ASB2: variants seen among roughly 807,000 people sequenced by gnomAD.
ASB2 encodes the protein ankyrin repeat and SOCS box containing 2.
Under a neutral mutation model 62.4 loss-of-function variants are expected in ASB2, and 58 were observed. The ratio of observed to expected loss-of-function variants is 0.93; its 90% CI spans 0.75 to 1.16. The LOEUF (loss-of-function observed/expected upper bound fraction) is 1.16. Ranked by LOEUF, ASB2 falls within the 50% of genes most tolerant of loss-of-function variation. The probability of loss-of-function intolerance (pLI) is 0.00; values close to 1 mark genes in which losing one functional copy is unlikely to be tolerated. For synonymous variants in ASB2, 386 were observed against 385.3 expected (o/e 1.00, Z -0.02); for missense variants, 928 against 887.9 (o/e 1.05, Z -0.57).
Position 93,937,817 on chromosome 14 carries a change from C to T in ASB2, c.1652G>A (p.Arg551His), listed in dbSNP as rs148796321. 2.2e-5 allele frequency: 36 copies of T among 1,608,336 alleles called. No individual in the cohort carries two copies. The highest frequency in any genetic ancestry group is 6.7e-5 in the Admixed American group (4 of 59,912). ...CEFVSAPEVS[R>H]WAGPIIDVLL... ...GACATCGATGATGGGCCCCGCCCAG[C>T]GGCTCACCTCTGGGGCAGATACGAA... Residue 551 changes from arginine (R) to histidine (H), a missense_variant, in exon 9 of 10, where the codon CGC becomes CAC. Physicochemically the swap from Arg to His is conservative, Grantham distance 29. Coordinates refer to ENST00000555019, the MANE Select transcript of ASB2 (RefSeq NM_001202429.2).
In ASB2 at chr14:93,939,455, CGTT is replaced by C. The variant is rs767614580; in HGVS notation, c.1267_1269del (p.Asn423del). The C allele has an allele frequency of 5.0e-6, 8 of 1,612,490 alleles. No homozygotes were observed. In the East Asian group the frequency reaches 1.8e-4, roughly 36 times the overall value. On this transcript the variant is annotated inframe_deletion, in exon 8 of 10. Transcript: ENST00000555019. ...TGCAGCAGCAGCTCGGTGGCGTACA[CGTT>C]GTTGTTGACCACCGCGAAGTACAGC...
intron 6 of ASB2, 75 bp downstream of exon 6, chr14:93,950,924 C>T: frequency 1.3e-6 from 2 of 1,533,256 alleles, no homozygotes; most frequent in Non-Finnish European, 1.8e-6. Context: ...CTCGCCTTCC[C>T]TTAGAGCTGA....
At chr14:93,947,995 G>GAAAAA (rs55666799) in intron 6 of ASB2, among the ~76,000 whole-genome samples, 35,756 of 71,844 alleles carry the variant, frequency 0.5, 10,376 homozygotes, top group East Asian at 0.65. Flanking sequence ...ACTCCGCCTG[G>GAAAAA]AAAAAAAAAA....
chr14:93,970,441 C>T (rs1201775342), intron 1 of ASB2, among the ~76,000 whole-genome samples: 1 of 152,188 alleles, frequency 6.6e-6, no homozygotes, highest in African/African-American at 2.4e-5. Context: ...GGAAGCCTCC[C>T]TGATGGCTGA....
chr14:93,947,116 T>A (rs1451953426), intron 7 of ASB2, among the ~76,000 whole-genome samples: 1 of 152,228 alleles, frequency 6.6e-6, no homozygotes, highest in East Asian at 1.9e-4. Flanking sequence ...AAGCGCTGCA[T>A]AAGGGTTTGC....
chr14:93,935,860 T>C (rs1366933291), intron 9 of ASB2, among the ~76,000 whole-genome samples: 1 of 152,240 alleles, frequency 6.6e-6, no homozygotes, highest in Non-Finnish European at 1.5e-5. Flanking sequence ...ATCATTCCTG[T>C]TGCCCGGGCA....
At chr14:93,949,263 A>G (rs1888858121) in intron 6 of ASB2, among the ~76,000 whole-genome samples, 1 of 152,176 alleles carries the variant, frequency 6.6e-6, no homozygotes. Context: ...ATTTTTGATG[A>G]TGGTGTGACC....
chr14:93,964,634 C>T, intron 1 of ASB2, 22 bp from the exon 2 acceptor site: 4 of 1,150,514 alleles, frequency 3.5e-6, no homozygotes, highest in Non-Finnish European at 3.8e-6. Context: ...CCAAAACCAT[C>T]CTGGTCACGA....
rs191754683 is a variant in ASB2, at chr14:93,967,630, C to T, written c.-73-3018G>A. Among the ~76,000 whole-genome samples, 109 of 152,054 alleles carry T rather than the reference C, an allele frequency of 7.2e-4. 2 individuals carry two copies. Among genetic ancestry groups the T allele is most frequent in the East Asian group, 4.3e-3 (22 of 5,160 alleles). ...CCTCAGTTTCCTCATTGCAAAAGGA[C>T]GATTTGGGGCTGGAAGTTTTCCGCA... On this transcript the variant is annotated intron_variant, in intron 1 of 9. Coordinates refer to ENST00000555019, the MANE Select transcript of ASB2 (RefSeq NM_001202429.2).
chr14:93,968,225 C>G (rs139746089), intron 1 of ASB2: 1 of 152,240 alleles, frequency 6.6e-6, no homozygotes, highest in South Asian at 2.1e-4. Flanking sequence ...TCCCAAGCCT[C>G]TCCCATGGGT....
chr14:93,957,351 C>G, intron 2 of ASB2: 2 of 1,027,194 alleles, frequency 1.9e-6, no homozygotes, highest in Non-Finnish European at 2.3e-6. Flanking sequence ...TGTACCTGTG[C>G]CCCCCACGCC....
chr14:93,950,847 C>T, intron 6 of ASB2, 152 bp downstream of exon 6: 1 of 909,036 alleles, frequency 1.1e-6, no homozygotes, highest in Non-Finnish European at 1.7e-6. Flanking sequence ...GCCTCAGCAT[C>T]TTTCTCAACA....
chr14:93,956,780 C>CTTGAACAAGCTGCTGCTGTA lies in ASB2; in HGVS notation c.277_296dup (p.Lys99AsnfsTer18). On this transcript the variant is annotated frameshift_variant, in exon 3 of 10. Transcript: ENST00000555019. LOFTEE classifies it high-confidence loss of function. ...GAGTCACTTACGCCAGCTGGGAGGTCTTGAACAAGCTGCTGCTGTATTTCT... is the reference window on the plus strand; with the variant it reads ...GAGTCACTTACGCCAGCTGGGAGGTCTTGAACAAGCTGCTGCTGTATTGAACAAGCTGCTGCTGTATTTCT... 1 of 1,614,204 alleles carries CTTGAACAAGCTGCTGCTGTA rather than the reference C, an allele frequency of 6.2e-7. No individual in the cohort carries two copies. Among genetic ancestry groups the CTTGAACAAGCTGCTGCTGTA allele is most frequent in the Non-Finnish European group, 8.5e-7 (1 of 1,180,034 alleles).
rs768776624 is a variant in ASB2, at chr14:93,937,784, T to C, written c.1685A>G (p.Asp562Gly). The C allele has an allele frequency of 6.2e-7, 1 of 1,612,556 alleles. No individual in the cohort carries two copies. Among genetic ancestry groups the C allele is most frequent in the South Asian group, 1.1e-5 (1 of 91,034 alleles). Residue 562 changes from aspartate (D) to glycine (G), a missense_variant, in exon 9 of 10, where the codon GAC becomes GGC. Coordinates refer to ENST00000555019, the MANE Select transcript of ASB2 (RefSeq NM_001202429.2). ...WAGPIIDVLLDYVGNVQLCSR... is the reference protein window; with the variant it reads ...WAGPIIDVLLGYVGNVQLCSR... The stretch of plus-strand genomic sequence containing the variant: ...GCAGAGCTGCACGTTGCCCACGTAG[T>C]CCAGGAGGACATCGATGATGGGCCC...
intron 2 of ASB2, among the ~76,000 whole-genome samples, chr14:93,963,003 T>C (rs1889462462): frequency 6.6e-6 from 1 of 152,060 alleles, no homozygotes; most frequent in Non-Finnish European, 1.5e-5. Context: ...GTCTTCGTAC[T>C]CTTTCCGGCT....
intron 3 of ASB2, among the ~76,000 whole-genome samples, chr14:93,955,772 G>A (rs536327728): frequency 6.6e-6 from 1 of 152,168 alleles, no homozygotes; most frequent in African/African-American, 2.4e-5. Flanking sequence ...CCCTATGAGT[G>A]GGGGAGGGTT....
intron 2 of ASB2, among the ~76,000 whole-genome samples, chr14:93,960,415 TG>T (rs1330374878): frequency 2.0e-5 from 3 of 152,244 alleles, no homozygotes; most frequent in Non-Finnish European, 2.9e-5. Context: ...TGGCTTGATT[TG>T]AATTGTTTGA....
chr14:93,945,734 G>A (rs1888700067), intron 7 of ASB2, among the ~76,000 whole-genome samples: 2 of 152,194 alleles, frequency 1.3e-5, no homozygotes, highest in Non-Finnish European at 2.9e-5. Flanking sequence ...TGGTCTTGGT[G>A]CAGGCAACCT....
intron 2 of ASB2, among the ~76,000 whole-genome samples, chr14:93,958,042 C>A (rs1320200153): frequency 6.6e-6 from 1 of 152,188 alleles, no homozygotes; most frequent in Non-Finnish European, 1.5e-5. Flanking sequence ...TACACCCCAG[C>A]AAGGCCAGAG....
Sources: gnomAD v4.1 joint callset for allele counts (sites outside exome capture counted in the v4.1 genomes callset) on GRCh38, gnomAD v4.1.1 for gene constraint, MANE v1.5 for transcripts, NCBI Gene and HGNC (gene_info 2026-07-23, HGNC 2026-07-21) for gene names.